Variants in BRINP2 observed in about 807,000 individuals in gnomAD.
BRINP2 encodes BMP/retinoic acid inducible neural specific 2, also known as BMP/retinoic acid-inducible neural-specific protein 2.
In BRINP2, 21 loss-of-function variants were observed where a neutral mutation model predicts 69.2. The observed-to-expected ratio is 0.30, with a 90% confidence interval of 0.22 to 0.44. The LOEUF (loss-of-function observed/expected upper bound fraction) is 0.44, where lower values mean the gene tolerates loss of function less well. Ranked by LOEUF, BRINP2 falls within the 20% of genes least tolerant of loss-of-function variation. BRINP2 has a pLI of 1.00. For missense variants in BRINP2, 877 were observed against 986.0 expected, an observed-to-expected ratio of 0.89 and a Z score of 1.48; for synonymous variants, 380 against 394.1, an observed-to-expected ratio of 0.96 and a Z score of 0.42.
intron 1 of BRINP2, among the ~76,000 whole-genome samples, chr1:177,177,576 C>T (rs1440925520): frequency 3.9e-5 from 6 of 152,134 alleles, no homozygotes; most frequent in Non-Finnish European, 8.8e-5. Flanking sequence ...TCATAACCTG[C>T]CCCAAATTAC....
At chr1:177,280,154 G>A (rs1651643461) in intron 7 of BRINP2, among the ~76,000 whole-genome samples, 2 of 152,200 alleles carry the variant, frequency 1.3e-5, no homozygotes, top group African/African-American at 2.4e-5. Context: ...AGTAGGACTT[G>A]GGAGAGATGA....
chr1:177,190,662 T>C (rs527455026), intron 1 of BRINP2, among the ~76,000 whole-genome samples: 1 of 152,180 alleles, frequency 6.6e-6, no homozygotes, highest in Non-Finnish European at 1.5e-5. Flanking sequence ...GACCTTAGTT[T>C]CACAGGACAG....
chr1:177,229,069 G>A (rs1649786504), intron 1 of BRINP2, among the ~76,000 whole-genome samples: 1 of 152,152 alleles, frequency 6.6e-6, no homozygotes, highest in African/African-American at 2.4e-5. Flanking sequence ...AGAGGATTAT[G>A]GATATCCTTG....
At chr1:177,258,367 A>T (rs35106233) in intron 4 of BRINP2, among the ~76,000 whole-genome samples, 5,520 of 152,336 alleles carry the variant, frequency 0.036, 146 homozygotes, top group Non-Finnish European at 0.052. Context: ...AATTCATTCA[A>T]TAAGTATTTA....
chr1:177,189,305 T>C (rs531360428), intron 1 of BRINP2, among the ~76,000 whole-genome samples: 1 of 152,312 alleles, frequency 6.6e-6, no homozygotes, highest in Non-Finnish European at 1.5e-5. Context: ...TTGAGTCACT[T>C]GATAGGTGAG....
At chr1:177,273,897 T>G (rs939048412) in intron 5 of BRINP2, among the ~76,000 whole-genome samples, 5 of 142,932 alleles carry the variant, frequency 3.5e-5, no homozygotes, top group Non-Finnish European at 6.4e-5. Context: ...ATACCCATCC[T>G]TATAAGAAGC....
chr1:177,243,630 T>C (rs1650279809), intron 2 of BRINP2, among the ~76,000 whole-genome samples: 1 of 152,172 alleles, frequency 6.6e-6, no homozygotes, highest in Non-Finnish European at 1.5e-5. Flanking sequence ...GGCTAGAATA[T>C]TGGATAGATA....
chr1:177,201,778 C>A (rs1473361817), intron 1 of BRINP2, among the ~76,000 whole-genome samples: 2 of 152,142 alleles, frequency 1.3e-5, no homozygotes, highest in Non-Finnish European at 2.9e-5. Context: ...AGGAATGGTA[C>A]CAGCTCCTCC....
chr1:177,217,815 C>T (rs567361457), intron 1 of BRINP2, among the ~76,000 whole-genome samples: 4 of 152,284 alleles, frequency 2.6e-5, no homozygotes, highest in African/African-American at 9.6e-5. Flanking sequence ...TGCTGTTTGG[C>T]AAGATCACTG....
In BRINP2 at chr1:177,281,634, C is replaced by T; in HGVS notation, c.*106C>T. The stretch of plus-strand genomic sequence containing the variant: ...GCCAACAGGGTGTGCTCCCACGAGA[C>T]TTTCAGCATCCAGTAGATGGGACCT... On this transcript the variant is annotated 3_prime_UTR_variant, in exon 8 of 8. Transcript: ENST00000361539. The T allele has an allele frequency of 7.0e-7, 1 of 1,419,576 alleles. No homozygotes were observed. Among genetic ancestry groups the T allele is most frequent in the South Asian group, 1.4e-5 (1 of 72,170 alleles). The allele number at this position is 1,419,576 out of a possible 1,614,324, so 87.9% of individuals were successfully genotyped here.
intron 2 of BRINP2, among the ~76,000 whole-genome samples, chr1:177,252,476 G>A (rs1650613576): frequency 1.3e-5 from 2 of 152,098 alleles, no homozygotes; most frequent in African/African-American, 2.4e-5. Context: ...GCACAACAGT[G>A]TATTGGTGTG....
chr1:177,191,199 T>C (rs575599019), intron 1 of BRINP2, among the ~76,000 whole-genome samples: 1 of 152,300 alleles, frequency 6.6e-6, no homozygotes, highest in Non-Finnish European at 1.5e-5. Flanking sequence ...AAGTGGTGAT[T>C]TGCACATAGA....
intron 2 of BRINP2, among the ~76,000 whole-genome samples, chr1:177,237,099 C>G (rs769093767): frequency 4.6e-5 from 7 of 152,090 alleles, no homozygotes; most frequent in Non-Finnish European, 8.8e-5. Context: ...GTACATAGTA[C>G]TTTAAGGTCC....
At chr1:177,205,413 G>A (rs1649043896) in intron 1 of BRINP2, among the ~76,000 whole-genome samples, 1 of 152,158 alleles carries the variant, frequency 6.6e-6, no homozygotes, top group African/African-American at 2.4e-5. Context: ...CAAAGTGCTG[G>A]GATTACAGCC....
intron 2 of BRINP2, among the ~76,000 whole-genome samples, chr1:177,242,159 C>T (rs1650225013): frequency 6.6e-6 from 1 of 152,194 alleles, no homozygotes; most frequent in Admixed American, 6.5e-5. Context: ...GATTCTATCG[C>T]AGAACTGTCT....
chr1:177,249,093 C>T (rs1650495541), intron 2 of BRINP2, among the ~76,000 whole-genome samples: 1 of 152,174 alleles, frequency 6.6e-6, no homozygotes, highest in African/African-American at 2.4e-5. Context: ...ACAATTACTT[C>T]AGCACTGATT....
At chr1:177,173,989 C>T (rs890458283) in intron 1 of BRINP2, among the ~76,000 whole-genome samples, 3 of 152,198 alleles carry the variant, frequency 2.0e-5, no homozygotes, top group African/African-American at 7.2e-5. Context: ...ACCTTGTATA[C>T]ATTTTATAAT....
chr1:177,233,712 G>A (rs1245758782), intron 2 of BRINP2, among the ~76,000 whole-genome samples: 1 of 152,194 alleles, frequency 6.6e-6, no homozygotes, highest in Non-Finnish European at 1.5e-5. Flanking sequence ...TACTGGCCTT[G>A]TGGGCTACCA....
In BRINP2 at chr1:177,256,050, T is replaced by C; in HGVS notation, c.401T>C (p.Val134Ala). The change falls in exon 3 of 8, where the codon GTT (valine) becomes GCT (alanine). Residue 134 changes from valine (V) to alanine (A), a missense_variant. Around this residue, in one of 3 missense-constraint regions of BRINP2, gnomAD observed 566 missense variants for 625.2 expected, o/e 0.91. Coordinates refer to ENST00000361539, the MANE Select transcript of BRINP2 (RefSeq NM_021165.4). Reference sequence around the variant, plus strand: ...GGAAGGAGACCCAATCTGCAACAGGTTACAGAAAATCTGATTAAAAAGTAC... The same window carrying C: ...GGAAGGAGACCCAATCTGCAACAGGCTACAGAAAATCTGATTAAAAAGTAC... ...LLGRRPNLQQVTENLIKKYGT... is the reference protein window; with the variant it reads ...LLGRRPNLQQATENLIKKYGT... 1 of 1,614,174 alleles carries C rather than the reference T, an allele frequency of 6.2e-7. No homozygotes were observed. The highest frequency in any genetic ancestry group is 8.5e-7 in the Non-Finnish European group (1 of 1,180,026).
Sources: gnomAD v4.1 joint callset for allele counts (sites outside exome capture counted in the v4.1 genomes callset) on GRCh38, gnomAD v4.1.1 for gene constraint, gnomAD v4.1.1 regional missense constraint, MANE v1.5 for transcripts, NCBI Gene and HGNC (gene_info 2026-07-23, HGNC 2026-07-21) for gene names.